THSD7A: variants seen among roughly 807,000 people sequenced by gnomAD.
THSD7A encodes the protein thrombospondin type-1 domain-containing protein 7A.
A neutral mutation model predicts 231.3 loss-of-function variants in THSD7A; 96 were observed. The ratio of observed to expected loss-of-function variants is 0.41; its 90% CI spans 0.35 to 0.49. The LOEUF (loss-of-function observed/expected upper bound fraction) is 0.49, where lower values mean the gene tolerates loss of function less well. Among genes scored for constraint, THSD7A ranks in the 20% least tolerant of loss-of-function variants. THSD7A has a pLI of 0.05. For missense variants in THSD7A, 2,290 were observed against 2,070.2 expected, an observed-to-expected ratio of 1.11 and a Z score of -2.06; for synonymous variants, 940 against 743.3, an observed-to-expected ratio of 1.26 and a Z score of -4.30.
Position 11,406,205 on chromosome 7 carries a change from G to C in THSD7A, c.4237+95C>G, listed in dbSNP as rs1397686765. On this transcript the variant is annotated intron_variant, in intron 22 of 27. Coordinates refer to ENST00000423059, the MANE Select transcript of THSD7A (RefSeq NM_015204.3). This position sits in a 1 kb window ranked among gnomAD's most constrained non-coding sequence, Gnocchi z 4.7. ...GATATTACTGAATAAGAAGACTGTTGACATCCTGTAACTTATACTTTATAT... is the reference window on the plus strand; with the variant it reads ...GATATTACTGAATAAGAAGACTGTTCACATCCTGTAACTTATACTTTATAT... The C allele has an allele frequency of 2.4e-6, 3 of 1,255,282 alleles. No homozygotes were observed. The highest frequency in any genetic ancestry group is 2.2e-6 in the Non-Finnish European group (2 of 903,172). The allele number at this position is 1,255,282 out of a possible 1,614,324, so 77.8% of individuals were successfully genotyped here.
At chr7:11,511,919 C>T (rs191699681) in intron 6 of THSD7A, among the ~76,000 whole-genome samples, 1 of 152,050 alleles carries the variant, frequency 6.6e-6, no homozygotes, top group East Asian at 1.9e-4. Context: ...GCAACAAAAG[C>T]CAAAATTGAC....
chr7:11,737,872 A>G (rs891420313), intron 1 of THSD7A, among the ~76,000 whole-genome samples: 1 of 152,062 alleles, frequency 6.6e-6, no homozygotes, highest in African/African-American at 2.4e-5. Flanking sequence ...AGCCAGTATG[A>G]TCAGTGAGTA....
chr7:11,417,620 A>T lies in THSD7A; in HGVS notation c.3384-17T>A, dbSNP rs775425926. 8 of 1,592,532 alleles carry T rather than the reference A, an allele frequency of 5.0e-6. No homozygotes were observed. Among genetic ancestry groups the T allele is most frequent in the Admixed American group, 1.9e-5 (1 of 53,350 alleles). The stretch of plus-strand genomic sequence containing the variant: ...TGCATGCATCTAGAAAAGAACATAA[A>T]CATATTCTAGAAAATATACATACAT... On this transcript the variant is annotated splice_polypyrimidine_tract_variant and intron_variant, in intron 16 of 27. Transcript: ENST00000423059.
intron 4 of THSD7A, among the ~76,000 whole-genome samples, chr7:11,558,923 A>G (rs1406583489): frequency 1.3e-5 from 2 of 152,176 alleles, no homozygotes; most frequent in African/African-American, 4.8e-5. Flanking sequence ...CAATCTACTT[A>G]CATTATTACT....
At chr7:11,740,761 A>G (rs1183819430) in intron 1 of THSD7A, among the ~76,000 whole-genome samples, 1 of 151,972 alleles carries the variant, frequency 6.6e-6, no homozygotes, top group East Asian at 1.9e-4. Context: ...TCAGTACCAG[A>G]AAGTATATTG....
chr7:11,545,298 AAAT>A (rs1320638480), intron 4 of THSD7A, among the ~76,000 whole-genome samples: 6 of 152,028 alleles, frequency 3.9e-5, no homozygotes, highest in Admixed American at 3.3e-4. Context: ...ATTGTTTTTG[AAAT>A]AATAATTTAT....
chr7:11,643,189 C>A (rs1635185), intron 1 of THSD7A, among the ~76,000 whole-genome samples: 22,635 of 152,012 alleles, frequency 0.15, 1,829 homozygotes, highest in Admixed American at 0.21. Context: ...TTTTCCCCTT[C>A]TGGATTTGGT....
intron 24 of THSD7A, 26 bp from the exon 25 acceptor site, chr7:11,379,738 AC>A (rs1782435278): frequency 1.3e-6 from 2 of 1,558,882 alleles, no homozygotes; most frequent in Non-Finnish European, 1.7e-6. Flanking sequence ...TCATGTTTTG[AC>A]AAATAATATA....
At chr7:11,628,657 T>C (rs1562781318) in intron 2 of THSD7A, among the ~76,000 whole-genome samples, 1 of 152,188 alleles carries the variant, frequency 6.6e-6, no homozygotes, top group Non-Finnish European at 1.5e-5. Context: ...ATTATGATCT[T>C]TGTTTTGTCT....
rs1018309970 is a variant in THSD7A at position 11,601,218 on chromosome 7, A to G, written c.1023-7716T>C. 7.9e-5 allele frequency among the ~76,000 whole-genome samples: 12 copies of G among 151,994 alleles called. 1 individual carries two copies. Among genetic ancestry groups the G allele is most frequent in the Admixed American group, 7.2e-4 (11 of 15,250 alleles). On this transcript the variant is annotated intron_variant, in intron 2 of 27. Transcript: ENST00000423059. The stretch of plus-strand genomic sequence containing the variant: ...ATACATTATCCTCTTTTTCATACTT[A>G]TTAAGCTCATATTGTATGTGCAGAG...
At chr7:11,724,766 C>T (rs962483549) in intron 1 of THSD7A, among the ~76,000 whole-genome samples, 1 of 151,790 alleles carries the variant, frequency 6.6e-6, no homozygotes, top group Non-Finnish European at 1.5e-5. Flanking sequence ...TACCAGAATA[C>T]ACAAATCAGT....
Position 11,474,568 on chromosome 7 carries a change from C to A in THSD7A, c.2018G>T (p.Gly673Val), listed in dbSNP as rs769076025. ...ACTGCTATTTGGACAGCGAATTCCACCTAAAAACATGGACAATGATAGCAA... is the reference window on the plus strand; with the variant it reads ...ACTGCTATTTGGACAGCGAATTCCAACTAAAAACATGGACAATGATAGCAA... ...RSILAYAGEE[G>V]GIRCPNSSAL... The change falls in exon 8 of 28, where the codon GGT becomes GTT. Residue 673 changes from glycine (G) to valine (V), a missense_variant and splice_region_variant. Physicochemically the swap from Gly to Val is moderately radical, Grantham distance 109 (BLOSUM62 -3). Transcript: ENST00000423059. The surrounding 1 kb of genome is among the most constrained non-coding windows in gnomAD (Gnocchi z 4.1). 2 of 1,584,462 alleles carry A rather than the reference C, an allele frequency of 1.3e-6. No homozygotes were observed. Among genetic ancestry groups the A allele is most frequent in the Middle Eastern group, 1.7e-4 (1 of 5,978 alleles).
intron 23 of THSD7A, among the ~76,000 whole-genome samples, chr7:11,400,321 A>T (rs1458994385): frequency 1.3e-5 from 2 of 152,188 alleles, no homozygotes; most frequent in Admixed American, 6.5e-5. Context: ...TAAAAAAATT[A>T]AAAAAGAATT....
intron 2 of THSD7A, among the ~76,000 whole-genome samples, chr7:11,594,765 T>C (rs907625696): frequency 2.0e-5 from 3 of 152,188 alleles, no homozygotes; most frequent in Non-Finnish European, 2.9e-5. Flanking sequence ...GAAAGACTTA[T>C]CTTCTGTTGA....
chr7:11,510,112 C>T (rs1322426447), intron 6 of THSD7A, among the ~76,000 whole-genome samples: 1 of 152,094 alleles, frequency 6.6e-6, no homozygotes, highest in African/African-American at 2.4e-5. Context: ...TACAGCAGCA[C>T]AATTCACAAT....
intron 4 of THSD7A, among the ~76,000 whole-genome samples, chr7:11,586,404 G>A (rs1338792975): frequency 6.6e-6 from 1 of 152,130 alleles, no homozygotes; most frequent in Non-Finnish European, 1.5e-5. Flanking sequence ...CTTAAGGATT[G>A]CATCTGAGAA....
intron 1 of THSD7A, among the ~76,000 whole-genome samples, chr7:11,744,015 C>G (rs922927474): frequency 1.3e-5 from 2 of 151,928 alleles, no homozygotes; most frequent in African/African-American, 2.4e-5. Context: ...ACTAGACTGA[C>G]AGTCTTCTGA....
At chr7:11,701,572 C>T (rs13306913) in intron 1 of THSD7A, among the ~76,000 whole-genome samples, 56,952 of 150,676 alleles carry the variant, frequency 0.38, 11,013 homozygotes, top group African/African-American at 0.4. Context: ...TATGCAAAAA[C>T]TGTGTTTTTT....
chr7:11,602,971 G>A (rs1038804479), intron 2 of THSD7A, among the ~76,000 whole-genome samples: 1 of 151,080 alleles, frequency 6.6e-6, no homozygotes, highest in Non-Finnish European at 1.5e-5. Context: ...GCATGGGCAA[G>A]GACTTCATGT....
Sources: gnomAD v4.1 joint callset for allele counts (sites outside exome capture counted in the v4.1 genomes callset) on GRCh38, gnomAD v4.1.1 for gene constraint, Gnocchi (gnomAD v3.1) non-coding constraint, MANE v1.5 for transcripts, NCBI Gene and HGNC (gene_info 2026-07-23, HGNC 2026-07-21) for gene names.